The following MICU2 variants were observed in gnomAD, a reference collection of about 807,000 sequenced individuals.
MICU2 encodes calcium uptake protein 2, mitochondrial.
In MICU2, 64 loss-of-function variants were observed where a neutral mutation model predicts 60.4. That is an observed-to-expected ratio of 1.06 (90% CI 0.87 to 1.31). The LOEUF (loss-of-function observed/expected upper bound fraction) is 1.31, where lower values mean the gene tolerates loss of function less well. Ranked by LOEUF, MICU2 falls within the 50% of genes most tolerant of loss-of-function variation. The probability of loss-of-function intolerance (pLI) is 0.00; values close to 1 mark genes in which losing one functional copy is unlikely to be tolerated. For missense variants in MICU2, 569 were observed against 531.0 expected (o/e 1.07, Z -0.70); for synonymous variants, 201 against 175.0 (o/e 1.15, Z -1.17).
chr13:21,498,660 T>C (rs1886066167), intron 9 of MICU2, among the ~76,000 whole-genome samples: 1 of 151,976 alleles, frequency 6.6e-6, no homozygotes, highest in African/African-American at 2.4e-5. Context: ...ATTACAGGCG[T>C]GAGCCACCGC....
intron 1 of MICU2, among the ~76,000 whole-genome samples, chr13:21,596,501 G>A (rs919444290): frequency 2.0e-5 from 3 of 151,442 alleles, no homozygotes; most frequent in Non-Finnish European, 4.4e-5. Context: ...CTGGCTCACT[G>A]CAACCTCCGC....
chr13:21,585,973 C>A (rs1043765431), intron 1 of MICU2, among the ~76,000 whole-genome samples: 3 of 152,024 alleles, frequency 2.0e-5, no homozygotes, highest in Non-Finnish European at 4.4e-5. Flanking sequence ...GTATTAAACT[C>A]AAATACCAAG....
chr13:21,561,709 C>A (rs904342444), intron 2 of MICU2, among the ~76,000 whole-genome samples: 7 of 135,730 alleles, frequency 5.2e-5, no homozygotes, highest in Admixed American at 2.2e-4. Flanking sequence ...TTTTTTTAGT[C>A]TCTTTTTTTT....
At chr13:21,585,236 T>G (rs1174705089) in intron 1 of MICU2, among the ~76,000 whole-genome samples, 2 of 152,372 alleles carry the variant, frequency 1.3e-5, no homozygotes, top group Non-Finnish European at 2.9e-5. Context: ...CCATTTGGGT[T>G]TATTAACATC....
At chr13:21,568,695 T>G (rs1566164112) in intron 1 of MICU2, among the ~76,000 whole-genome samples, 1 of 152,182 alleles carries the variant, frequency 6.6e-6, no homozygotes, top group Non-Finnish European at 1.5e-5. Context: ...GATAGGCCAT[T>G]AACTCTATGT....
chr13:21,500,179 G>A (rs1886110511), intron 9 of MICU2, among the ~76,000 whole-genome samples: 1 of 152,140 alleles, frequency 6.6e-6, no homozygotes, highest in East Asian at 1.9e-4. Context: ...GAGGCAAGGG[G>A]GAACTGACAC....
intron 2 of MICU2, 53 bp from the exon 3 acceptor site, chr13:21,539,741 AC>A: frequency 6.7e-7 from 1 of 1,491,798 alleles, no homozygotes; most frequent in Non-Finnish European, 9.3e-7. Flanking sequence ...GTAAAACTCA[AC>A]TTGCACTAAG....
At chr13:21,565,906 T>C (rs1887970330) in intron 2 of MICU2, among the ~76,000 whole-genome samples, 1 of 152,226 alleles carries the variant, frequency 6.6e-6, no homozygotes, top group Admixed American at 6.5e-5. Flanking sequence ...ATGCCATTCA[T>C]CCCTGCCAAA....
chr13:21,529,725 G>A (rs1478256880), intron 4 of MICU2, among the ~76,000 whole-genome samples: 1 of 152,210 alleles, frequency 6.6e-6, no homozygotes, highest in Non-Finnish European at 1.5e-5. Flanking sequence ...TAACCTTGAA[G>A]TAGATATTAT....
rs189073987 is a variant in MICU2, at chr13:21,556,842, C to T, written c.358+9955G>A. ...AGCAGCAAGAGTTGAGAAGAGCTGA[C>T]GAAGGAAATAGGAGAAAGCTAATTC... On this transcript the variant is annotated intron_variant, in intron 2 of 11. Transcript: ENST00000382374. 2.6e-5 allele frequency among the ~76,000 whole-genome samples: 4 copies of T among 151,976 alleles called. No homozygotes were observed. The East Asian group carries it at 5.8e-4, about 22-fold the overall frequency.
At chr13:21,510,481 T>C (rs974556733) in intron 7 of MICU2, among the ~76,000 whole-genome samples, 2 of 152,234 alleles carry the variant, frequency 1.3e-5, no homozygotes, top group African/African-American at 2.4e-5. Context: ...TGAGCTTTTG[T>C]TGAATGTTGG....
At chr13:21,551,945 G>A (rs373565505) in intron 2 of MICU2, among the ~76,000 whole-genome samples, 9 of 151,954 alleles carry the variant, frequency 5.9e-5, no homozygotes, top group East Asian at 3.9e-4. Flanking sequence ...TTGGGTATAT[G>A]CCCAGTAATG....
At chr13:21,499,256 T>G (rs564433514) in intron 9 of MICU2, among the ~76,000 whole-genome samples, 2 of 152,240 alleles carry the variant, frequency 1.3e-5, no homozygotes, top group South Asian at 4.1e-4. Flanking sequence ...GGCCTGAATT[T>G]GCATGTCTTC....
At chr13:21,526,719 T>C (rs1488226161) in intron 4 of MICU2, among the ~76,000 whole-genome samples, 1 of 152,066 alleles carries the variant, frequency 6.6e-6, no homozygotes, top group Non-Finnish European at 1.5e-5. Context: ...GGATGTGGTA[T>C]AAATGGGAAA....
At chr13:21,531,336 GA>G in intron 4 of MICU2, 3 of 1,529,422 alleles carry the variant, frequency 2.0e-6, no homozygotes, top group Non-Finnish European at 2.7e-6. Flanking sequence ...ACACCAACCC[GA>G]AAAACTTGAT....
At chr13:21,494,374 T>C (rs967872406) in intron 11 of MICU2, among the ~76,000 whole-genome samples, 1 of 152,156 alleles carries the variant, frequency 6.6e-6, no homozygotes, top group African/African-American at 2.4e-5. Context: ...TTTCTGAGAG[T>C]GCTTCTAGCA....
At chr13:21,509,948 C>A in intron 8 of MICU2, 56 bp downstream of exon 8, 1 of 961,812 alleles carries the variant, frequency 1.0e-6, no homozygotes, top group Non-Finnish European at 1.5e-6. Flanking sequence ...TATTCTGTTT[C>A]TCTTTATTTC....
intron 2 of MICU2, among the ~76,000 whole-genome samples, chr13:21,552,888 G>C (rs1887608446): frequency 1.3e-5 from 2 of 152,106 alleles, no homozygotes; most frequent in African/African-American, 4.8e-5. Context: ...TGTTCTTTTG[G>C]CTTAGGATTG....
chr13:21,552,791 C>G (rs1887605019), intron 2 of MICU2, among the ~76,000 whole-genome samples: 1 of 151,698 alleles, frequency 6.6e-6, no homozygotes, highest in Admixed American at 6.6e-5. Context: ...TGATCTATAT[C>G]TCTGTTTTGG....
Sources: allele counts gnomAD v4.1 joint callset (sites outside exome capture counted in the v4.1 genomes callset), GRCh38; gene constraint gnomAD v4.1.1; transcripts MANE v1.5; gene names NCBI Gene and HGNC (gene_info 2026-07-23, HGNC 2026-07-21).